GRID2: variants seen among roughly 807,000 people sequenced by gnomAD.
GRID2 encodes glutamate receptor ionotropic, delta-2.
A neutral mutation model predicts 114.8 loss-of-function variants in GRID2; 33 were observed. That is an observed-to-expected ratio of 0.29 (90% CI 0.22 to 0.38). The LOEUF is 0.38. GRID2 is among the 10% of genes least tolerant of loss of function. The pLI, the probability that GRID2 is intolerant of heterozygous loss-of-function variation, is 1.00. For missense variants in GRID2, 1,184 were observed against 1,257.7 expected, an observed-to-expected ratio of 0.94 and a Z score of 0.89; for synonymous variants, 505 against 449.9, an observed-to-expected ratio of 1.12 and a Z score of -1.55.
chr4:92,779,208 GTA>G lies in GRID2; in HGVS notation c.244+188924_244+188925del, dbSNP rs1491364665. Among the ~76,000 whole-genome samples, 1,097 of 151,128 alleles carry G rather than the reference GTA, an allele frequency of 7.3e-3. 11 individuals carry two copies. The highest frequency in any genetic ancestry group is 0.02 in the African/African-American group (828 of 41,342). On this transcript the variant is annotated intron_variant, in intron 2 of 15. Coordinates refer to ENST00000282020, the MANE Select transcript of GRID2 (RefSeq NM_001510.4). ...TAAATGTGTGTGTGTGTGTGTGTGT[GTA>G]TGTGTGTGTGTATTTTAATCTGTGT...
At chr4:93,165,172 T>G (rs1738128665) in intron 4 of GRID2, among the ~76,000 whole-genome samples, 1 of 152,072 alleles carries the variant, frequency 6.6e-6, no homozygotes, top group African/African-American at 2.4e-5. Context: ...TTTGTTATTA[T>G]TATGTAAGCA....
At chr4:93,751,971 T>TC (rs1190129840) in intron 14 of GRID2, among the ~76,000 whole-genome samples, 3 of 151,928 alleles carry the variant, frequency 2.0e-5, no homozygotes, top group African/African-American at 7.2e-5. Flanking sequence ...ACCTGAACAT[T>TC]CTTTTTTTTT....
chr4:92,530,579 C>T (rs1412055773), intron 1 of GRID2, among the ~76,000 whole-genome samples: 1 of 149,856 alleles, frequency 6.7e-6, no homozygotes, highest in African/African-American at 2.5e-5. Flanking sequence ...TTGTCTGGGT[C>T]CTTATTTGTC....
chr4:92,537,872 T>TA (rs1403227297), intron 1 of GRID2, among the ~76,000 whole-genome samples: 1 of 151,352 alleles, frequency 6.6e-6, no homozygotes, highest in Non-Finnish European at 1.5e-5. Flanking sequence ...TAGTAATAAA[T>TA]AAATATACAA....
At chr4:93,524,815 G>GTGTA (rs1560713550) in intron 13 of GRID2, among the ~76,000 whole-genome samples, 1 of 49,260 alleles carries the variant, frequency 2.0e-5, no homozygotes, top group African/African-American at 1.5e-4. Flanking sequence ...ATATATATAT[G>GTGTA]TATGTATGTA....
intron 13 of GRID2, 24 bp from the exon 14 acceptor site, chr4:93,626,245 C>T (rs765011409): frequency 6.9e-7 from 1 of 1,452,250 alleles, no homozygotes; most frequent in Non-Finnish European, 9.6e-7. Context: ...CCTATTTCTT[C>T]TTTTGTTCTT....
intron 1 of GRID2, among the ~76,000 whole-genome samples, chr4:93,801,573 T>C (rs1178166610): frequency 6.6e-6 from 1 of 152,128 alleles, no homozygotes; most frequent in Admixed American, 6.6e-5. Flanking sequence ...AACTCCTCCT[T>C]CTATGTAGAC....
chr4:92,304,663 G>A lies in GRID2; in HGVS notation c.7G>A (p.Val3Ile), dbSNP rs370365440. 5 of 1,611,686 alleles carry A rather than the reference G, an allele frequency of 3.1e-6. No individual in the cohort carries two copies. The highest frequency in any genetic ancestry group is 2.7e-5 in the African/African-American group (2 of 74,940). Residue 3 changes from valine (V) to isoleucine (I), a missense_variant, in exon 1 of 16, where the codon GTT becomes ATT. Coordinates refer to ENST00000282020, the MANE Select transcript of GRID2 (RefSeq NM_001510.4). ME[V>I]FPFLLVLSVW... The stretch of plus-strand genomic sequence containing the variant: ...AGAATCGGCATAGGAGGAGATGGAA[G>A]TTTTCCCCTTTCTCTTGGTTTTGTC...
At chr4:92,395,499 T>C (rs979618666) in intron 1 of GRID2, among the ~76,000 whole-genome samples, 8 of 151,764 alleles carry the variant, frequency 5.3e-5, no homozygotes, top group African/African-American at 1.7e-4. Flanking sequence ...TTATCTGTAA[T>C]GGTTTATATA....
At chr4:93,326,797 C>T (rs1255276879) in intron 8 of GRID2, among the ~76,000 whole-genome samples, 1 of 152,102 alleles carries the variant, frequency 6.6e-6, no homozygotes, top group African/African-American at 2.4e-5. Flanking sequence ...GTTACCCTTA[C>T]GAACTTGACT....
chr4:92,701,805 A>T (rs1258618128), intron 2 of GRID2, among the ~76,000 whole-genome samples: 1 of 152,166 alleles, frequency 6.6e-6, no homozygotes, highest in Admixed American at 6.5e-5. Context: ...TAACACTGCA[A>T]TATTGTTAAT....
At chr4:92,312,871 C>T (rs1304932812) in intron 1 of GRID2, among the ~76,000 whole-genome samples, 1 of 152,042 alleles carries the variant, frequency 6.6e-6, no homozygotes, top group Non-Finnish European at 1.5e-5. Context: ...CTATGGAAAA[C>T]AGTGTGGAGA....
chr4:93,741,522 G>T (rs1731416708), intron 14 of GRID2, among the ~76,000 whole-genome samples: 1 of 152,062 alleles, frequency 6.6e-6, no homozygotes, highest in Non-Finnish European at 1.5e-5. Context: ...TGGAAACTTA[G>T]GCAGTTGTTA....
At chr4:92,794,424 A>T (rs1739751629) in intron 2 of GRID2, among the ~76,000 whole-genome samples, 1 of 151,870 alleles carries the variant, frequency 6.6e-6, no homozygotes, top group Admixed American at 6.6e-5. Flanking sequence ...CTTAGTTATT[A>T]AAAGAAAAAT....
chr4:93,495,805 C>A (rs996583938), intron 12 of GRID2, among the ~76,000 whole-genome samples: 5 of 151,674 alleles, frequency 3.3e-5, no homozygotes, highest in Non-Finnish European at 7.4e-5. Context: ...TCAGAAACTT[C>A]ATATTTCTAG....
At chr4:92,440,683 G>A (rs1168503766) in intron 1 of GRID2, among the ~76,000 whole-genome samples, 1 of 151,976 alleles carries the variant, frequency 6.6e-6, no homozygotes, top group Non-Finnish European at 1.5e-5. Flanking sequence ...TGCCTTTGCT[G>A]GTGTGTGGTG....
chr4:92,417,572 T>A (rs1232355154), intron 1 of GRID2, among the ~76,000 whole-genome samples: 1 of 152,166 alleles, frequency 6.6e-6, no homozygotes, highest in South Asian at 2.1e-4. Context: ...TCAACATTTT[T>A]AAAAAGTACC....
rs540789337 is a variant in GRID2, at chr4:93,359,261, A to AT, written c.1246-36340dup. Among the ~76,000 whole-genome samples the AT allele has an allele frequency of 1.1e-4, 16 of 151,256 alleles. No homozygotes were observed. The South Asian group carries it at 3.3e-3, about 32-fold the overall frequency. ...ATGTGTCTTTTGAAACTTGTTTGCA[A>AT]TTTTTTCATTTTTTTTTTCATTTGA... On this transcript the variant is annotated intron_variant, in intron 8 of 15. Transcript: ENST00000282020.
At chr4:92,978,901 T>C (rs1294847870) in intron 2 of GRID2, among the ~76,000 whole-genome samples, 1 of 152,116 alleles carries the variant, frequency 6.6e-6, no homozygotes, top group East Asian at 1.9e-4. Flanking sequence ...TGCATACCTA[T>C]AGTCCCAGCT....
Sources: gnomAD v4.1 joint callset for allele counts (sites outside exome capture counted in the v4.1 genomes callset) on GRCh38, gnomAD v4.1.1 for gene constraint, MANE v1.5 for transcripts, NCBI Gene and HGNC (gene_info 2026-07-23, HGNC 2026-07-21) for gene names.